ETV5: variants seen among roughly 807,000 people sequenced by gnomAD.
ETV5 encodes the protein ETS translocation variant 5.
ETV5 carries 10 observed loss-of-function variants against 70.0 expected under a neutral mutation model. The observed-to-expected ratio is 0.14, with a 90% confidence interval of 0.09 to 0.24. ETV5 has a LOEUF of 0.24. Among genes scored for constraint, ETV5 ranks in the 10% least tolerant of loss-of-function variants. ETV5 has a pLI of 1.00. For synonymous variants in ETV5, 216 were observed against 242.2 expected (o/e 0.89, Z 1.01); for missense variants, 453 against 651.2 (o/e 0.70, Z 3.31).
chr3:186,107,858 A>C (rs1714628700), intron 1 of ETV5, among the ~76,000 whole-genome samples: 1 of 151,882 alleles, frequency 6.6e-6, no homozygotes, highest in Non-Finnish European at 1.5e-5. Context: ...ACACACTTCC[A>C]CCCAATTCTC....
intron 7 of ETV5, among the ~76,000 whole-genome samples, chr3:186,068,764 G>A (rs1213728783): frequency 2.6e-5 from 4 of 152,196 alleles, no homozygotes; most frequent in African/African-American, 9.7e-5. Context: ...AGCCATAATT[G>A]ACAGACTATA....
At chr3:186,098,439 C>A (rs1036946931) in intron 5 of ETV5, among the ~76,000 whole-genome samples, 4 of 152,120 alleles carry the variant, frequency 2.6e-5, no homozygotes, top group Non-Finnish European at 5.9e-5. Flanking sequence ...TCTGGAGACA[C>A]TACCAGATTT....
intron 11 of ETV5, among the ~76,000 whole-genome samples, chr3:186,053,667 C>T (rs1298455792): frequency 1.3e-5 from 2 of 152,142 alleles, no homozygotes; most frequent in Non-Finnish European, 2.9e-5. Context: ...TTCATGTCCC[C>T]ACAGCAGACA....
intron 7 of ETV5, among the ~76,000 whole-genome samples, chr3:186,066,566 T>C (rs1452904816): frequency 6.6e-6 from 1 of 152,110 alleles, no homozygotes; most frequent in African/African-American, 2.4e-5. Flanking sequence ...ATAACATTCC[T>C]AGGAATAATC....
At chr3:186,097,009 C>T (rs114183315) in intron 5 of ETV5, among the ~76,000 whole-genome samples, 177 of 152,226 alleles carry the variant, frequency 1.2e-3, no homozygotes, top group South Asian at 0.01. Flanking sequence ...CCAGCACACC[C>T]GCTTGGCCAA....
At position 186,048,702 on chromosome 3, in the gene ETV5, G is replaced by A. The variant is rs151057501; in HGVS notation, c.1470C>T (p.Pro490=). ...TLPLTHFEDS[P]AYLLDMDRCS... ...AGCGGTCCATGTCCAGGAGGTAAGC[G>A]GGGCTGTCTTCAAAGTGGGTCAGCG... The change falls in exon 13 of 13, where the codon CCC becomes CCT. Residue 490 remains proline (P), a synonymous_variant. Transcript: ENST00000306376. 122 of 1,614,076 alleles carry A rather than the reference G, an allele frequency of 7.6e-5. No individual in the cohort carries two copies. Among genetic ancestry groups the A allele is most frequent in the Admixed American group, 4.3e-4 (26 of 60,004 alleles).
At chr3:186,108,328 C>T (rs1442516814) in intron 1 of ETV5, 3 of 472,142 alleles carry the variant, frequency 6.4e-6, no homozygotes, top group African/African-American at 6.0e-5. Context: ...TCTCGAGTCG[C>T]CGCACAGCCG....
intron 5 of ETV5, chr3:186,084,282 T>TAAAAA: frequency 2.5e-4 from 55 of 216,706 alleles, no homozygotes; most frequent in East Asian, 5.5e-4. Context: ...AAAGAAATGC[T>TAAAAA]AAAAAAAAAA....
chr3:186,046,738 A>T lies in ETV5; in HGVS notation c.*1901T>A, dbSNP rs942695572. ...GGAAAACCAAATCTATACAGCATTT[A>T]CAACAAATAAATCTCTAGCCAGCTG... On this transcript the variant is annotated 3_prime_UTR_variant, in exon 13 of 13. Transcript: ENST00000306376. 3 of 232,908 alleles carry T rather than the reference A, an allele frequency of 1.3e-5. No homozygotes were observed. Among genetic ancestry groups the T allele is most frequent in the African/African-American group, 6.6e-5 (3 of 45,324 alleles). The allele number at this position is 232,908 out of a possible 1,614,324, so 14.4% of individuals were successfully genotyped here. A position where few individuals can be genotyped will look rare whatever the true frequency, so the allele number is the denominator to read the frequency against.
At chr3:186,074,110 A>T (rs1244983515) in intron 7 of ETV5, among the ~76,000 whole-genome samples, 1 of 152,118 alleles carries the variant, frequency 6.6e-6, no homozygotes, top group Non-Finnish European at 1.5e-5. Context: ...GCCAAGACTA[A>T]GGAAAAAAAA....
chr3:186,088,082 C>T (rs1269488382), intron 5 of ETV5, among the ~76,000 whole-genome samples: 1 of 152,200 alleles, frequency 6.6e-6, no homozygotes, highest in East Asian at 1.9e-4. Flanking sequence ...CAGCAGTTGC[C>T]ATCCTTCACG....
intron 5 of ETV5, chr3:186,084,078 C>A: frequency 3.6e-6 from 1 of 276,486 alleles, no homozygotes. Flanking sequence ...TGTGATGCAG[C>A]CTTGAGAAAT....
At position 186,047,213 on chromosome 3, in the gene ETV5, T is replaced by A. The variant is rs776343931; in HGVS notation, c.*1426A>T. On this transcript the variant is annotated 3_prime_UTR_variant, in exon 13 of 13. Transcript: ENST00000306376. ...CTCTACTTTGAGCTCAACTTTCACA[T>A]AGCTTTAGCTTGGTTGTTTAAAACT... 1 of 227,794 alleles carries A rather than the reference T, an allele frequency of 4.4e-6. No individual in the cohort carries two copies. Among genetic ancestry groups the A allele is most frequent in the Non-Finnish European group, 8.7e-6 (1 of 114,514 alleles). The allele number at this position is 227,794 out of a possible 1,614,324, so 14.1% of individuals were successfully genotyped here.
intron 5 of ETV5, among the ~76,000 whole-genome samples, chr3:186,090,839 G>A (rs1714165271): frequency 6.6e-6 from 1 of 152,210 alleles, no homozygotes; most frequent in Non-Finnish European, 1.5e-5. Flanking sequence ...GCTGGAAATA[G>A]GTGGCCTATG....
At chr3:186,058,531 G>C (rs1713222632) in intron 9 of ETV5, among the ~76,000 whole-genome samples, 1 of 152,172 alleles carries the variant, frequency 6.6e-6, no homozygotes, top group South Asian at 2.1e-4. Context: ...GGGCAGGCAG[G>C]TGAAAAGGCT....
chr3:186,104,742 C>CT (rs869046424), intron 5 of ETV5, among the ~76,000 whole-genome samples: 6,945 of 136,730 alleles, frequency 0.051, 264 homozygotes, highest in African/African-American at 0.094. Context: ...TTGCAATATT[C>CT]TTTTTTTTTT....
chr3:186,068,349 G>C (rs1486985405), intron 7 of ETV5, among the ~76,000 whole-genome samples: 1 of 152,196 alleles, frequency 6.6e-6, no homozygotes, highest in Non-Finnish European at 1.5e-5. Context: ...AATAAAAGTA[G>C]TAGTATGGTG....
At chr3:186,075,387 T>G (rs1713758502) in intron 7 of ETV5, among the ~76,000 whole-genome samples, 2 of 152,228 alleles carry the variant, frequency 1.3e-5, no homozygotes, top group South Asian at 4.1e-4. Flanking sequence ...TAAAAATTAT[T>G]GTACTACAAA....
Position 186,054,179 on chromosome 3 carries a change from C to T in ETV5, c.1210-2048G>A, listed in dbSNP as rs758574428. On this transcript the variant is annotated intron_variant, in intron 11 of 12. Coordinates refer to ENST00000306376, the MANE Select transcript of ETV5 (RefSeq NM_004454.3). This position sits in a 1 kb window ranked among gnomAD's most constrained non-coding sequence, Gnocchi z 4.4. ...GTTCCTTCTACAGTAATGCATGAGG[C>T]GGCTCAGCTCCAGAGCAGCTGGGAA... Among the ~76,000 whole-genome samples, 7 of 152,224 alleles carry T rather than the reference C, an allele frequency of 4.6e-5. No homozygotes were observed. The highest frequency in any genetic ancestry group is 6.5e-5 in the Admixed American group (1 of 15,290).
Sources: allele counts gnomAD v4.1 joint callset (sites outside exome capture counted in the v4.1 genomes callset), GRCh38; gene constraint gnomAD v4.1.1; non-coding constraint Gnocchi (gnomAD v3.1); transcripts MANE v1.5; gene names NCBI Gene and HGNC (gene_info 2026-07-23, HGNC 2026-07-21).